The following FOXL2NB variants were observed in gnomAD, a reference collection of about 807,000 sequenced individuals.
The protein encoded by FOXL2NB is FOXL2 neighbor.
Under a neutral mutation model 7.4 loss-of-function variants are expected in FOXL2NB, and 10 were observed. The observed-to-expected ratio is 1.34, with a 90% confidence interval of 0.83 to 2.28. The LOEUF (loss-of-function observed/expected upper bound fraction) is 2.28. Ranked by LOEUF, FOXL2NB falls within the 30% of genes most tolerant of loss-of-function variation. The pLI is 0.00. For missense variants in FOXL2NB, 228 were observed against 233.9 expected (o/e 0.97, Z 0.17); for synonymous variants, 104 against 105.3 (o/e 0.99, Z 0.08).
chr3:138,951,808 G>T lies in FOXL2NB; in HGVS notation c.*1236G>T, dbSNP rs1936136716. 6.6e-6 allele frequency: 1 copy of T among 152,140 alleles called. No individual in the cohort carries two copies. Among genetic ancestry groups the T allele is most frequent in the South Asian group, 2.1e-4 (1 of 4,820 alleles). 9.4% of individuals were successfully genotyped at this position (152,140 alleles called of 1,614,324 possible). A position where few individuals can be genotyped will look rare whatever the true frequency, so the allele number is the denominator to read the frequency against. On this transcript the variant is annotated 3_prime_UTR_variant, in exon 3 of 3. Transcript: ENST00000383165. ...GCCTTTCTCCACACCCAGACTGTAA[G>T]CGCTGATGGGCAGAGACTCTGCCCT...
At position 138,947,900 on chromosome 3, in the gene FOXL2NB, C is replaced by CGGGACTGTGT. The variant is rs1261487360; in HGVS notation, c.100+437_100+446dup. ...GGCGGGGCTGTTGCCCGGGACTTTG[C>CGGGACTGTGT]GGGACTGTGTATGTGTGTGCACAGG... On this transcript the variant is annotated intron_variant, in intron 1 of 2. Coordinates refer to ENST00000383165, the MANE Select transcript of FOXL2NB (RefSeq NM_001040061.3). This position sits in a 1 kb window ranked among gnomAD's most constrained non-coding sequence, Gnocchi z 5.2. 5.4e-5 allele frequency: 54 copies of CGGGACTGTGT among 996,974 alleles called. 1 individual carries two copies. The African/African-American group carries it at 6.8e-4, about 13-fold the overall frequency. 61.8% of individuals were successfully genotyped at this position (996,974 alleles called of 1,614,324 possible).
Position 138,952,641 on chromosome 3 carries a change from G to A in FOXL2NB, c.*2069G>A, listed in dbSNP as rs1936155625. ...TCCCATCTCAGCCTCAGCCTCCCAA[G>A]TAGCTGGGACTATGGGTGTGAGCCA... is the stretch of plus-strand genomic sequence containing the variant. On this transcript the variant is annotated 3_prime_UTR_variant, in exon 3 of 3. Transcript: ENST00000383165. The A allele has an allele frequency of 1.3e-5, 2 of 151,032 alleles. No homozygotes were observed. The highest frequency in any genetic ancestry group is 4.9e-5 in the African/African-American group (2 of 40,898). The allele number at this position is 151,032 out of a possible 1,614,324, so 9.4% of individuals were successfully genotyped here. A position where few individuals can be genotyped will look rare whatever the true frequency, so the allele number is the denominator to read the frequency against.
chr3:138,950,265 GGCC>G lies in FOXL2NB; in HGVS notation c.223_225del (p.Pro75del). ...CTGATACAGACGCTTTTCTCCCCAG[GGCC>G]GGGAATCCTGCAACAGCGGCAGAAG... On this transcript the variant is annotated inframe_deletion and splice_region_variant, in exon 3 of 3. Coordinates refer to ENST00000383165, the MANE Select transcript of FOXL2NB (RefSeq NM_001040061.3). The G allele has an allele frequency of 6.2e-7, 1 of 1,603,766 alleles. No individual in the cohort carries two copies. Among genetic ancestry groups the G allele is most frequent in the Non-Finnish European group, 8.5e-7 (1 of 1,177,006 alleles).
In FOXL2NB at chr3:138,950,638, G is replaced by C; in HGVS notation, c.*66G>C. 1.9e-6 allele frequency: 3 copies of C among 1,569,874 alleles called. No individual in the cohort carries two copies. The Admixed American group carries it at 5.4e-5, about 28-fold the overall frequency. ...TCACTCCCTCCCGGCCCCTCACAGG[G>C]CCCTTTGCACCCACACCTCAGGGAC... is the stretch of plus-strand genomic sequence containing the variant. On this transcript the variant is annotated 3_prime_UTR_variant, in exon 3 of 3. Transcript: ENST00000383165.
Position 138,950,586 on chromosome 3 carries a change from A to T in FOXL2NB, c.*14A>T. The T allele has an allele frequency of 6.2e-7, 1 of 1,608,968 alleles. No homozygotes were observed. The highest frequency in any genetic ancestry group is 8.5e-7 in the Non-Finnish European group (1 of 1,178,604). ...TGTGTCTATTAGTACATCCCCATACACTCCACGCCTCAACAACTGTCAGCA... is the reference window on the plus strand; with the variant it reads ...TGTGTCTATTAGTACATCCCCATACTCTCCACGCCTCAACAACTGTCAGCA... On this transcript the variant is annotated 3_prime_UTR_variant, in exon 3 of 3. Transcript: ENST00000383165.
rs772110837 is a variant in FOXL2NB, at chr3:138,950,600, C to G, written c.*28C>G. 4.3e-6 allele frequency: 7 copies of G among 1,610,220 alleles called. No homozygotes were observed. The Admixed American group carries it at 8.5e-5, about 19-fold the overall frequency. ...CATCCCCATACACTCCACGCCTCAA[C>G]AACTGTCAGCACTCACTCCCTCCCG... On this transcript the variant is annotated 3_prime_UTR_variant, in exon 3 of 3. Transcript: ENST00000383165.
At position 138,952,334 on chromosome 3, in the gene FOXL2NB, A is replaced by T. The variant is rs1045065886; in HGVS notation, c.*1762A>T. 6.6e-6 allele frequency: 1 copy of T among 152,170 alleles called. No individual in the cohort carries two copies. The highest frequency in any genetic ancestry group is 2.4e-5 in the African/African-American group (1 of 41,426). 9.4% of individuals were successfully genotyped at this position (152,170 alleles called of 1,614,324 possible). On this transcript the variant is annotated 3_prime_UTR_variant, in exon 3 of 3. Coordinates refer to ENST00000383165, the MANE Select transcript of FOXL2NB (RefSeq NM_001040061.3). The stretch of plus-strand genomic sequence containing the variant: ...TTTCTAAAGATGATAGGCAACTGCC[A>T]TGGAGGAAGGCAGTTTTAGATGCCT...
rs1158178491 is a variant in FOXL2NB, at chr3:138,949,501, C to A, written c.101-19C>A. The A allele has an allele frequency of 9.3e-6, 15 of 1,613,898 alleles. No individual in the cohort carries two copies. Among genetic ancestry groups the A allele is most frequent in the Non-Finnish European group, 1.3e-5 (15 of 1,179,952 alleles). On this transcript the variant is annotated intron_variant, in intron 1 of 2. Coordinates refer to ENST00000383165, the MANE Select transcript of FOXL2NB (RefSeq NM_001040061.3). The surrounding 1 kb of genome is among the most constrained non-coding windows in gnomAD (Gnocchi z 4.5). ...CTGCTCTGAAAATACTGATTTCTGACTGTCCCGTAGAGGAACAGAATCCCC... is the reference window on the plus strand; with the variant it reads ...CTGCTCTGAAAATACTGATTTCTGAATGTCCCGTAGAGGAACAGAATCCCC...
At position 138,950,316 on chromosome 3, in the gene FOXL2NB, G is replaced by T. The variant is rs1936101815; in HGVS notation, c.272G>T (p.Gly91Val). The T allele has an allele frequency of 6.2e-7, 1 of 1,607,382 alleles. No individual in the cohort carries two copies. Among genetic ancestry groups the T allele is most frequent in the Non-Finnish European group, 8.5e-7 (1 of 1,178,466 alleles). Reference protein sequence around the residue: ...RQKPPAPRASGGPALLGKRRG... With the variant: ...RQKPPAPRASVGPALLGKRRG... ...AAGCCGCCCGCGCCTCGGGCTTCCG[G>T]CGGCCCAGCTCTACTAGGGAAGCGT... Residue 91 changes from glycine to valine, a missense_variant, in exon 3 of 3, where the codon GGC (glycine) becomes GTC (valine). By Grantham distance (109) the Gly-to-Val change is moderately radical. Coordinates refer to ENST00000383165, the MANE Select transcript of FOXL2NB (RefSeq NM_001040061.3).
rs1267693024 is a variant in FOXL2NB, at chr3:138,947,829, C to CT, written c.100+368dup. On this transcript the variant is annotated intron_variant, in intron 1 of 2. Coordinates refer to ENST00000383165, the MANE Select transcript of FOXL2NB (RefSeq NM_001040061.3). This position sits in a 1 kb window ranked among gnomAD's most constrained non-coding sequence, Gnocchi z 5.2. ...GGTTGGAGTGAAGGTTGGATGTGTG[C>CT]TTTAACAGCACCAAGTAGATGCCCC... is the stretch of plus-strand genomic sequence containing the variant. 2 of 1,032,022 alleles carry CT rather than the reference C, an allele frequency of 1.9e-6. No individual in the cohort carries two copies. Among genetic ancestry groups the CT allele is most frequent in the Non-Finnish European group, 2.3e-6 (2 of 860,382 alleles). The allele number at this position is 1,032,022 out of a possible 1,614,324, so 63.9% of individuals were successfully genotyped here. A position where few individuals can be genotyped will look rare whatever the true frequency, so the allele number is the denominator to read the frequency against.
In FOXL2NB at chr3:138,950,406, G is replaced by A. The variant is rs1385085273; in HGVS notation, c.362G>A (p.Gly121Asp). ...CTCAGCTCGTCCCGCGCCGCCGCCGGCTGCCTGAACCAGGTTCCGCTGTCC... is the reference window on the plus strand; with the variant it reads ...CTCAGCTCGTCCCGCGCCGCCGCCGACTGCCTGAACCAGGTTCCGCTGTCC... ...EPLSSSRAAA[G>D]CLNQVPLSPF... is the part of the protein sequence containing the mutation. The change falls in exon 3 of 3, where the codon GGC becomes GAC. Residue 121 changes from glycine (G) to aspartate (D), a missense_variant. Coordinates refer to ENST00000383165, the MANE Select transcript of FOXL2NB (RefSeq NM_001040061.3). 6.2e-7 allele frequency: 1 copy of A among 1,613,290 alleles called. No homozygotes were observed. Among genetic ancestry groups the A allele is most frequent in the East Asian group, 2.2e-5 (1 of 44,894 alleles).
chr3:138,950,543 A>AG lies in FOXL2NB; in HGVS notation c.500dup (p.Ser167ArgfsTer102), dbSNP rs764368572. 6 of 1,614,170 alleles carry AG rather than the reference A, an allele frequency of 3.7e-6. No homozygotes were observed. The Admixed American group carries it at 1.0e-4, about 27-fold the overall frequency. Reference sequence around the variant, plus strand: ...GGGATGGCCTCTGCGGTGCTTGGCTAGCAAAGGGAAGCTTCACTGTGTCTA... The same window carrying AG: ...GGGATGGCCTCTGCGGTGCTTGGCTAGGCAAAGGGAAGCTTCACTGTGTCTA... On this transcript the variant is annotated frameshift_variant, in exon 3 of 3. Coordinates refer to ENST00000383165, the MANE Select transcript of FOXL2NB (RefSeq NM_001040061.3). LOFTEE classifies it low-confidence loss of function (END_TRUNC).
In FOXL2NB at chr3:138,948,729, C is replaced by A. The variant is rs566164929; in HGVS notation, c.101-791C>A. On this transcript the variant is annotated intron_variant, in intron 1 of 2. Transcript: ENST00000383165. ...GGCCTGTGGTTCCAGCATCCACAGGCCATCTACAAGTGTTGTCTGCTGCTC... is the reference window on the plus strand; with the variant it reads ...GGCCTGTGGTTCCAGCATCCACAGGACATCTACAAGTGTTGTCTGCTGCTC... Among the ~76,000 whole-genome samples the A allele has an allele frequency of 2.0e-5, 3 of 152,292 alleles. No homozygotes were observed. The South Asian group carries it at 6.2e-4, about 32-fold the overall frequency.
At position 138,949,968 on chromosome 3, in the gene FOXL2NB, C is replaced by G; in HGVS notation, c.221-297C>G. ...CGGCATTGGGGCGACGCAGGGCCCC[C>G]GGCTTAGTGACCTTGGGGCGGCGCT... On this transcript the variant is annotated intron_variant, in intron 2 of 2. Transcript: ENST00000383165. This position sits in a 1 kb window ranked among gnomAD's most constrained non-coding sequence, Gnocchi z 4.5. The G allele has an allele frequency of 1.4e-6, 1 of 695,472 alleles. No homozygotes were observed. Among genetic ancestry groups the G allele is most frequent in the East Asian group, 2.7e-5 (1 of 36,388 alleles). 43.1% of individuals were successfully genotyped at this position (695,472 alleles called of 1,614,324 possible).
chr3:138,950,776 C>T lies in FOXL2NB; in HGVS notation c.*204C>T, dbSNP rs995393907. On this transcript the variant is annotated 3_prime_UTR_variant, in exon 3 of 3. Transcript: ENST00000383165. Reference sequence around the variant, plus strand: ...TCCCCTCCTACTTCTCTCACACTCACCAGCTACACGTACTAATTCAGATTT... The same window carrying T: ...TCCCCTCCTACTTCTCTCACACTCATCAGCTACACGTACTAATTCAGATTT... 3.3e-6 allele frequency: 2 copies of T among 598,460 alleles called. No individual in the cohort carries two copies. The highest frequency in any genetic ancestry group is 5.8e-6 in the Non-Finnish European group (2 of 346,476). 37.1% of individuals were successfully genotyped at this position (598,460 alleles called of 1,614,324 possible). A position where few individuals can be genotyped will look rare whatever the true frequency, so the allele number is the denominator to read the frequency against.
At position 138,950,683 on chromosome 3, in the gene FOXL2NB, G is replaced by A. The variant is rs1000605636; in HGVS notation, c.*111G>A. 5.3e-6 allele frequency: 6 copies of A among 1,134,400 alleles called. No individual in the cohort carries two copies. In the African/African-American group the frequency reaches 9.5e-5, roughly 18 times the overall value. The allele number at this position is 1,134,400 out of a possible 1,614,324, so 70.3% of individuals were successfully genotyped here. A position where few individuals can be genotyped will look rare whatever the true frequency, so the allele number is the denominator to read the frequency against. On this transcript the variant is annotated 3_prime_UTR_variant, in exon 3 of 3. Coordinates refer to ENST00000383165, the MANE Select transcript of FOXL2NB (RefSeq NM_001040061.3). The stretch of plus-strand genomic sequence containing the variant: ...AGGGACTCGGTGTCCCTCCACTCAG[G>A]TCACGTTACTCCATCCACTTCTCTC...
chr3:138,949,790 G>A lies in FOXL2NB; in HGVS notation c.220+151G>A. 1 of 1,155,068 alleles carries A rather than the reference G, an allele frequency of 8.7e-7. No homozygotes were observed. Among genetic ancestry groups the A allele is most frequent in the Non-Finnish European group, 1.3e-6 (1 of 790,938 alleles). 71.6% of individuals were successfully genotyped at this position (1,155,068 alleles called of 1,614,324 possible). A position where few individuals can be genotyped will look rare whatever the true frequency, so the allele number is the denominator to read the frequency against. On this transcript the variant is annotated intron_variant, in intron 2 of 2. Transcript: ENST00000383165. The surrounding 1 kb of genome is among the most constrained non-coding windows in gnomAD (Gnocchi z 4.5). ...CTTGCCGGCCCAGCCAGAGGTGGGT[G>A]AACCGGGCGCTCCAGGAAACGGTGC...
At chr3:138,948,720 A>T (rs1368029057) in intron 1 of FOXL2NB, among the ~76,000 whole-genome samples, 4 of 152,144 alleles carry the variant, frequency 2.6e-5, no homozygotes, top group African/African-American at 9.7e-5. Flanking sequence ...TGGTTCCAGC[A>T]TCCACAGGCC....
rs1936014897 is a variant in FOXL2NB at position 138,947,540 on chromosome 3, G to C, written c.100+76G>C. On this transcript the variant is annotated intron_variant, in intron 1 of 2. Coordinates refer to ENST00000383165, the MANE Select transcript of FOXL2NB (RefSeq NM_001040061.3). This position sits in a 1 kb window ranked among gnomAD's most constrained non-coding sequence, Gnocchi z 5.2. Reference sequence around the variant, plus strand: ...GAACTTCTAGCTCGGGGCTGGGGAGGGGCGAGACGGCGAGGGGGCTGGACG... The same window carrying C: ...GAACTTCTAGCTCGGGGCTGGGGAGCGGCGAGACGGCGAGGGGGCTGGACG... The C allele has an allele frequency of 6.7e-7, 1 of 1,494,014 alleles. No individual in the cohort carries two copies. Among genetic ancestry groups the C allele is most frequent in the Non-Finnish European group, 9.0e-7 (1 of 1,114,810 alleles). The allele number at this position is 1,494,014 out of a possible 1,614,324, so 92.5% of individuals were successfully genotyped here.
Sources: allele counts gnomAD v4.1 joint callset (sites outside exome capture counted in the v4.1 genomes callset), GRCh38; gene constraint gnomAD v4.1.1; non-coding constraint Gnocchi (gnomAD v3.1); transcripts MANE v1.5; gene names NCBI Gene and HGNC (gene_info 2026-07-23, HGNC 2026-07-21).